PRR5: variants seen among roughly 807,000 people sequenced by gnomAD.
PRR5 encodes proline-rich protein 5.
In PRR5, 25 loss-of-function variants were observed where a neutral mutation model predicts 30.6. The ratio of observed to expected loss-of-function variants is 0.82; its 90% CI spans 0.60 to 1.14. PRR5 has a LOEUF of 1.14. PRR5 is among the 50% of genes most tolerant of loss of function. The pLI, the probability that PRR5 is intolerant of heterozygous loss-of-function variation, is 0.00. For synonymous variants in PRR5, 286 were observed against 247.1 expected, an observed-to-expected ratio of 1.16 and a Z score of -1.48; for missense variants, 600 against 547.1, an observed-to-expected ratio of 1.10 and a Z score of -0.96.
intron 1 of PRR5, among the ~76,000 whole-genome samples, chr22:44,714,030 C>G (rs1928674952): frequency 6.6e-6 from 1 of 152,188 alleles, no homozygotes; most frequent in South Asian, 2.1e-4. Flanking sequence ...ATCTCGATCT[C>G]CTGACCTTGT....
intron 1 of PRR5, among the ~76,000 whole-genome samples, chr22:44,681,018 T>C (rs1200207569): frequency 6.6e-6 from 1 of 152,254 alleles, no homozygotes; most frequent in Non-Finnish European, 1.5e-5. Flanking sequence ...TCTGCCAGAC[T>C]AGCACGGCAG....
chr22:44,705,773 C>T (rs889375557), intron 1 of PRR5, among the ~76,000 whole-genome samples: 1 of 151,840 alleles, frequency 6.6e-6, no homozygotes, highest in Non-Finnish European at 1.5e-5. Flanking sequence ...TACAGGCGTG[C>T]ACCACCATGC....
intron 1 of PRR5, among the ~76,000 whole-genome samples, chr22:44,694,850 G>A (rs563500587): frequency 3.3e-5 from 5 of 152,276 alleles, no homozygotes; most frequent in African/African-American, 7.2e-5. Context: ...AAGCTTGACA[G>A]GGAAGGTATT....
At chr22:44,719,814 C>T (rs969916592) in intron 2 of PRR5, among the ~76,000 whole-genome samples, 1 of 152,212 alleles carries the variant, frequency 6.6e-6, no homozygotes, top group African/African-American at 2.4e-5. Flanking sequence ...CACAGATGAT[C>T]TGTCCCTGCC....
intron 1 of PRR5, among the ~76,000 whole-genome samples, chr22:44,692,250 G>C (rs1185879223): frequency 7.6e-6 from 1 of 130,848 alleles, no homozygotes; most frequent in Non-Finnish European, 1.6e-5. Flanking sequence ...TCCACCCAGG[G>C]CTCCTCCTCC....
At chr22:44,702,066 C>T (rs1006869507), upstream of PRR5, 3 of 173,162 alleles carry the variant, frequency 1.7e-5, no homozygotes, top group Non-Finnish European at 2.3e-5. Context: ...GCTGCGGCCG[C>T]GGAGACGCCG....
At chr22:44,734,038 C>A (rs1239555192) in intron 6 of PRR5, 1 of 152,210 alleles carries the variant, frequency 6.6e-6, no homozygotes, top group Non-Finnish European at 1.5e-5. Flanking sequence ...CTTTGGGAGG[C>A]CAAGGCAGGC....
intron 1 of PRR5, among the ~76,000 whole-genome samples, chr22:44,706,861 G>A (rs778322923): frequency 8.8e-5 from 8 of 91,390 alleles, no homozygotes; most frequent in East Asian, 6.9e-4. Context: ...ATGGATGCCC[G>A]GCTGGCCTGC....
In PRR5 at chr22:44,702,598, A is replaced by G; in HGVS notation, c.124A>G (p.Thr42Ala). The stretch of plus-strand genomic sequence containing the variant: ...GCAGCGCCGGGCCTGCGCCAACGCC[A>G]CCTGGAACAGGTAAGGCCGCGCCCT... ...TQQRRACANATWNSIHNGVIA... is the reference protein window; with the variant it reads ...TQQRRACANAAWNSIHNGVIA... Residue 42 changes from threonine (T) to alanine (A), a missense_variant, in exon 1 of 8, where the codon ACC becomes GCC. Coordinates refer to ENST00000336985, the MANE Select transcript of PRR5 (RefSeq NM_181333.4). 7.3e-7 allele frequency: 1 copy of G among 1,370,176 alleles called. No homozygotes were observed. 84.9% of individuals were successfully genotyped at this position (1,370,176 alleles called of 1,614,324 possible).
chr22:44,708,212 A>G (rs1225292366), intron 1 of PRR5, among the ~76,000 whole-genome samples: 1 of 152,152 alleles, frequency 6.6e-6, no homozygotes, highest in Non-Finnish European at 1.5e-5. Flanking sequence ...AAAACAACAA[A>G]CAAAAAACAA....
At chr22:44,676,005 G>A (rs1397291965), upstream of PRR5, among the ~76,000 whole-genome samples, 3 of 151,866 alleles carry the variant, frequency 2.0e-5, no homozygotes, top group South Asian at 2.1e-4. Flanking sequence ...CCCCATGAGC[G>A]GGGATCCTTA....
At chr22:44,722,799 G>T (rs1930135838) in intron 2 of PRR5, among the ~76,000 whole-genome samples, 1 of 152,136 alleles carries the variant, frequency 6.6e-6, no homozygotes, top group African/African-American at 2.4e-5. Flanking sequence ...CAGTGAAAAG[G>T]GTAGGCAGCT....
At chr22:44,677,560 G>T (rs1387641785) in intron 1 of PRR5, among the ~76,000 whole-genome samples, 1 of 152,246 alleles carries the variant, frequency 6.6e-6, no homozygotes, top group East Asian at 1.9e-4. Flanking sequence ...GGGACGAAGG[G>T]CAGGGGGTTC....
At chr22:44,723,499 C>A (rs186941022) in intron 2 of PRR5, among the ~76,000 whole-genome samples, 6 of 152,244 alleles carry the variant, frequency 3.9e-5, no homozygotes, top group Admixed American at 2.6e-4. Flanking sequence ...GCAGGTGGAT[C>A]ACCTCAGGTC....
chr22:44,709,616 G>A (rs1454951131), intron 1 of PRR5, among the ~76,000 whole-genome samples: 4 of 152,196 alleles, frequency 2.6e-5, no homozygotes, highest in Non-Finnish European at 5.9e-5. Flanking sequence ...CACTTTGGAA[G>A]GCCAGCGCAG....
At position 44,684,234 on chromosome 22, in the gene PRR5, G is replaced by A. The variant is rs192000159; in HGVS notation, c.-11+6994G>A. ...CTGGAAGCCAGTCTGATCCAGCCTC[G>A]AGAGTGGTAGAAAATGTGCTGGTGA... On this transcript the variant is annotated intron_variant, in intron 1 of 8. Coordinates refer to the PRR5 transcript ENST00000006251. 1.5e-3 allele frequency among the ~76,000 whole-genome samples: 228 copies of A among 152,310 alleles called. 1 individual carries two copies. Among genetic ancestry groups the A allele is most frequent in the African/African-American group, 5.2e-3 (216 of 41,564 alleles).
intron 3 of PRR5, among the ~76,000 whole-genome samples, chr22:44,725,515 G>A (rs1423852721): frequency 1.3e-5 from 2 of 152,238 alleles, no homozygotes; most frequent in Non-Finnish European, 2.9e-5. Flanking sequence ...CTGTCATCCA[G>A]GCTGGAGTGC....
At chr22:44,722,900 G>C (rs1255262353) in intron 2 of PRR5, among the ~76,000 whole-genome samples, 1 of 152,148 alleles carries the variant, frequency 6.6e-6, no homozygotes, top group Non-Finnish European at 1.5e-5. Context: ...ACAGTGCAGG[G>C]CTTCCAAAAT....
intron 2 of PRR5, among the ~76,000 whole-genome samples, chr22:44,716,874 A>C (rs1019800431): frequency 6.6e-6 from 1 of 152,274 alleles, no homozygotes; most frequent in African/African-American, 2.4e-5. Flanking sequence ...CAGCCTGGGC[A>C]ACATGGTGAA....
Sources: allele counts gnomAD v4.1 joint callset (sites outside exome capture counted in the v4.1 genomes callset), GRCh38; gene constraint gnomAD v4.1.1; transcripts MANE v1.5; gene names NCBI Gene and HGNC (gene_info 2026-07-23, HGNC 2026-07-21).